The following MYRIP variants were observed in gnomAD, a reference collection of about 807,000 sequenced individuals.
MYRIP encodes the protein rab effector MyRIP.
In MYRIP, 49 loss-of-function variants were observed where a neutral mutation model predicts 98.0. The observed-to-expected ratio is 0.50, with a 90% CI of 0.40 to 0.63. The LOEUF is 0.63. Among genes scored for constraint, MYRIP ranks in the 30% least tolerant of loss-of-function variants. The pLI is 0.00. For missense variants in MYRIP, 1,004 were observed against 1,058.2 expected, an observed-to-expected ratio of 0.95 and a Z score of 0.71; for synonymous variants, 404 against 409.5, an observed-to-expected ratio of 0.99 and a Z score of 0.16.
chr3:40,002,314 C>T (rs976490518), intron 2 of MYRIP, among the ~76,000 whole-genome samples: 1 of 152,124 alleles, frequency 6.6e-6, no homozygotes, highest in African/African-American at 2.4e-5. Context: ...GTGGGTGGAT[C>T]ACCTGAGGTC....
intron 2 of MYRIP, among the ~76,000 whole-genome samples, chr3:40,027,032 G>A (rs371557830): frequency 6.6e-6 from 1 of 152,016 alleles, no homozygotes; most frequent in Non-Finnish European, 1.5e-5. Flanking sequence ...CACTTAGCTG[G>A]CCCAGCCCTT....
chr3:40,095,585 G>A (rs1195503220), intron 3 of MYRIP, among the ~76,000 whole-genome samples: 1 of 152,162 alleles, frequency 6.6e-6, no homozygotes, highest in African/African-American at 2.4e-5. Context: ...TCTCCAGGGA[G>A]CTCAGAGAGG....
chr3:40,065,601 C>A (rs1948111753), intron 3 of MYRIP, among the ~76,000 whole-genome samples: 1 of 152,086 alleles, frequency 6.6e-6, no homozygotes, highest in Non-Finnish European at 1.5e-5. Flanking sequence ...TAAACAATGA[C>A]AAATACACAG....
rs547162457 is a variant in MYRIP at position 40,027,884 on chromosome 3, G to A, written c.111-16166G>A. The stretch of plus-strand genomic sequence containing the variant: ...GGTTTCTGCAGCTCAGAGGAGGGGC[G>A]GGACCAGCTAAGTGAGTTTGGAAGT... On this transcript the variant is annotated intron_variant, in intron 2 of 16. Transcript: ENST00000302541. Among the ~76,000 whole-genome samples, 117 of 152,112 alleles carry A rather than the reference G, an allele frequency of 7.7e-4. 1 individual carries two copies. Among genetic ancestry groups the A allele is most frequent in the Admixed American group, 2.2e-3 (34 of 15,254 alleles).
At chr3:40,106,035 C>T (rs1470527877) in intron 3 of MYRIP, among the ~76,000 whole-genome samples, 1 of 151,738 alleles carries the variant, frequency 6.6e-6, no homozygotes, top group African/African-American at 2.4e-5. Context: ...CAGTCACCTC[C>T]CACCAGACCC....
intron 1 of MYRIP, among the ~76,000 whole-genome samples, chr3:39,874,498 A>T (rs1575328935): frequency 1.3e-5 from 2 of 152,110 alleles, no homozygotes; most frequent in African/African-American, 4.8e-5. Flanking sequence ...AACTCTTATT[A>T]TTTTGAGATA....
chr3:39,889,129 C>T (rs911867657), intron 1 of MYRIP, among the ~76,000 whole-genome samples: 69 of 152,276 alleles, frequency 4.5e-4, no homozygotes, highest in Non-Finnish European at 9.0e-4. Flanking sequence ...GGCGATTCCT[C>T]AGGGATCTAG....
At chr3:40,233,812 A>C in intron 11 of MYRIP, 47 bp from the exon 12 acceptor site, 1 of 1,533,234 alleles carries the variant, frequency 6.5e-7, no homozygotes, top group South Asian at 1.2e-5. Context: ...GTCATTGTTA[A>C]TGTGCTGTTC....
intron 3 of MYRIP, among the ~76,000 whole-genome samples, chr3:40,110,782 T>C (rs1255384029): frequency 1.3e-5 from 2 of 152,138 alleles, no homozygotes; most frequent in Non-Finnish European, 2.9e-5. Context: ...CTCTCCTCTC[T>C]TCCTGACCTC....
At chr3:39,969,572 G>A (rs1945527083) in intron 2 of MYRIP, among the ~76,000 whole-genome samples, 1 of 152,060 alleles carries the variant, frequency 6.6e-6, no homozygotes, top group Non-Finnish European at 1.5e-5. Context: ...TGGGTCTATT[G>A]AGATAATCAT....
intron 1 of MYRIP, among the ~76,000 whole-genome samples, chr3:39,867,879 C>T (rs1384375806): frequency 6.6e-6 from 1 of 152,098 alleles, no homozygotes; most frequent in Non-Finnish European, 1.5e-5. Flanking sequence ...TCACAATAGC[C>T]AGGACATGGA....
chr3:39,956,246 C>T (rs1313485084), intron 2 of MYRIP, among the ~76,000 whole-genome samples: 3 of 152,186 alleles, frequency 2.0e-5, no homozygotes, highest in African/African-American at 7.2e-5. Context: ...AACCACATTG[C>T]ACTTATTCCA....
chr3:40,217,180 G>C (rs1016927617), intron 11 of MYRIP, among the ~76,000 whole-genome samples: 1 of 152,022 alleles, frequency 6.6e-6, no homozygotes, highest in South Asian at 2.1e-4. Flanking sequence ...TCAAACGTTC[G>C]TGGTGCTAAT....
At chr3:40,187,753 TGACAGGTA>T (rs769650259) in intron 9 of MYRIP, among the ~76,000 whole-genome samples, 12 of 152,120 alleles carry the variant, frequency 7.9e-5, no homozygotes, top group Non-Finnish European at 1.5e-4. Flanking sequence ...AGCAGGTGTG[TGACAGGTA>T]GAACACATGG....
chr3:39,850,498 G>C, intron 1 of MYRIP, among the ~76,000 whole-genome samples: 1 of 152,198 alleles, frequency 6.6e-6, no homozygotes, highest in Non-Finnish European at 1.5e-5. Context: ...TGTAATTGTA[G>C]TGTTTACATA....
chr3:40,205,989 A>G (rs903308802), intron 10 of MYRIP, among the ~76,000 whole-genome samples: 56 of 152,146 alleles, frequency 3.7e-4, no homozygotes, highest in African/African-American at 1.3e-3. Context: ...TATTCTTATC[A>G]GTATTTCTTA....
At chr3:39,957,040 G>A (rs186797403) in intron 2 of MYRIP, among the ~76,000 whole-genome samples, 1,701 of 151,822 alleles carry the variant, frequency 0.011, 32 homozygotes, top group South Asian at 0.019. Context: ...ATAATTAATA[G>A]CCTACCAACC....
chr3:39,981,868 A>C (rs1235318465), intron 2 of MYRIP, among the ~76,000 whole-genome samples: 1 of 152,192 alleles, frequency 6.6e-6, no homozygotes, highest in Non-Finnish European at 1.5e-5. Flanking sequence ...CCTCAGGCAC[A>C]TAGGAGGAAC....
intron 2 of MYRIP, among the ~76,000 whole-genome samples, chr3:39,994,666 T>C (rs1946288541): frequency 6.6e-6 from 1 of 152,188 alleles, no homozygotes; most frequent in Non-Finnish European, 1.5e-5. Context: ...TAAATGTCCC[T>C]GTCCGACAGC....
Sources: allele counts gnomAD v4.1 joint callset (sites outside exome capture counted in the v4.1 genomes callset), GRCh38; gene constraint gnomAD v4.1.1; transcripts MANE v1.5; gene names NCBI Gene and HGNC (gene_info 2026-07-23, HGNC 2026-07-21).